Variants in AGR3 observed in about 807,000 individuals in gnomAD.
AGR3 encodes anterior gradient 3, protein disulphide isomerase family member, also known as anterior gradient protein 3.
AGR3 carries 37 observed loss-of-function variants against 24.5 expected under a neutral mutation model. The ratio of observed to expected loss-of-function variants is 1.51; its 90% confidence interval spans 1.16 to 1.99. The LOEUF is 1.99. Ranked by LOEUF, AGR3 falls within the 30% of genes most tolerant of loss-of-function variation. The pLI is 0.00. For synonymous variants in AGR3, 75 were observed against 61.6 expected, an observed-to-expected ratio of 1.22 and a Z score of -1.02; for missense variants, 228 against 191.1, an observed-to-expected ratio of 1.19 and a Z score of -1.14.
downstream of AGR3, among the ~76,000 whole-genome samples, chr7:16,857,335 G>T (rs1781566711): frequency 6.6e-6 from 1 of 151,924 alleles, no homozygotes; most frequent in African/African-American, 2.4e-5. Flanking sequence ...AAATATAAAG[G>T]TATATACATT....
chr7:16,877,651 C>T (rs372070928), intron 2 of AGR3, among the ~76,000 whole-genome samples: 9 of 151,884 alleles, frequency 5.9e-5, no homozygotes, highest in African/African-American at 1.9e-4. Flanking sequence ...ATCACAAGGT[C>T]AGGAGATCGA....
chr7:16,860,673 G>A (rs1424391887), intron 6 of AGR3, 90 bp from the exon 7 acceptor site: 2 of 872,554 alleles, frequency 2.3e-6, no homozygotes, highest in Non-Finnish European at 3.6e-6. Flanking sequence ...TTTATATGTG[G>A]GGGTTATGTG....
intron 3 of AGR3, among the ~76,000 whole-genome samples, chr7:16,870,343 C>A (rs6461284): frequency 0.93 from 141,323 of 152,008 alleles, 66,275 homozygotes; most frequent in Non-Finnish European, 1. Flanking sequence ...ATCATTTGCA[C>A]ATAAAGATAA....
chr7:16,880,062 T>TCCTTCCTTCCCCTTCCTTCTTTCC (rs1782075671), intron 1 of AGR3, among the ~76,000 whole-genome samples: 1 of 146,522 alleles, frequency 6.8e-6, no homozygotes, highest in East Asian at 2.2e-4. Context: ...CCCTTCCCCT[T>TCCTTCCTTCCCCTTCCTTCTTTCC]CCTTCCTTCC....
At chr7:16,857,341 A>G (rs1781566791), downstream of AGR3, among the ~76,000 whole-genome samples, 1 of 152,220 alleles carries the variant, frequency 6.6e-6, no homozygotes, top group South Asian at 2.1e-4. Flanking sequence ...AAAGGTATAT[A>G]CATTTTCATT....
At position 16,878,643 on chromosome 7, in the gene AGR3, A is replaced by C. The variant is rs1377554117; in HGVS notation, c.-25T>G. On this transcript the variant is annotated splice_region_variant and 5_prime_UTR_variant, in exon 2 of 8. Coordinates refer to ENST00000310398, the MANE Select transcript of AGR3 (RefSeq NM_176813.5). The stretch of plus-strand genomic sequence containing the variant: ...TGTCTTCTAGAGACTCTCTCAGAAG[A>C]AGCTAGATGACAGAAAGGAATTCTC... 6.3e-7 allele frequency: 1 copy of C among 1,581,138 alleles called. No homozygotes were observed. The highest frequency in any genetic ancestry group is 1.1e-5 in the South Asian group (1 of 90,014).
At chr7:16,867,451 T>C (rs1215574135) in intron 3 of AGR3, among the ~76,000 whole-genome samples, 4 of 152,226 alleles carry the variant, frequency 2.6e-5, no homozygotes, top group African/African-American at 9.6e-5. Flanking sequence ...ATGGATATGT[T>C]GTACAGTGGC....
At chr7:16,878,867 T>TG (rs1419681251) in intron 1 of AGR3, among the ~76,000 whole-genome samples, 2 of 152,220 alleles carry the variant, frequency 1.3e-5, no homozygotes, top group Non-Finnish European at 2.9e-5. Context: ...GTTCTGAGCC[T>TG]CCTGGGCATG....
At chr7:16,871,799 G>C (rs1478137783) in intron 3 of AGR3, among the ~76,000 whole-genome samples, 1 of 151,958 alleles carries the variant, frequency 6.6e-6, no homozygotes, top group East Asian at 1.9e-4. Flanking sequence ...CTGAGATCGC[G>C]CCACTGTACT....
In AGR3 at chr7:16,859,574, A is replaced by G. The variant is rs1427949030; in HGVS notation, c.*8T>C. 7 of 1,544,338 alleles carry G rather than the reference A, an allele frequency of 4.5e-6. No homozygotes were observed. Among genetic ancestry groups the G allele is most frequent in the Admixed American group, 1.8e-5 (1 of 54,424 alleles). On this transcript the variant is annotated 3_prime_UTR_variant, in exon 8 of 8. Coordinates refer to ENST00000310398, the MANE Select transcript of AGR3 (RefSeq NM_176813.5). The stretch of plus-strand genomic sequence containing the variant: ...TTCTTTGAAGTGAAGGCTTTTTTCC[A>G]TCATCTCTTATAGCTCTGACTGAAT...
intron 3 of AGR3, among the ~76,000 whole-genome samples, chr7:16,870,958 T>C (rs1160312828): frequency 6.6e-6 from 1 of 152,192 alleles, no homozygotes; most frequent in East Asian, 1.9e-4. Context: ...TCATTCATTC[T>C]TGGGGAGCTT....
chr7:16,857,837 T>A (rs117647425), downstream of AGR3, among the ~76,000 whole-genome samples: 32 of 152,270 alleles, frequency 2.1e-4, no homozygotes, highest in East Asian at 4.2e-3. Flanking sequence ...TTTCTCTGAC[T>A]CATCAAATGT....
intron 3 of AGR3, among the ~76,000 whole-genome samples, chr7:16,863,578 A>T (rs539854648): frequency 2.6e-5 from 4 of 152,252 alleles, no homozygotes; most frequent in Middle Eastern, 3.4e-3. Flanking sequence ...CTGAAAATCT[A>T]TATGAATATG....
Position 16,859,612 on chromosome 7 carries a change from T to C in AGR3, c.471A>G (p.Lys157=). 1 of 1,542,104 alleles carries C rather than the reference T, an allele frequency of 6.5e-7. No homozygotes were observed. The highest frequency in any genetic ancestry group is 8.8e-7 in the Non-Finnish European group (1 of 1,130,136). ...GCTCTGACTGAATAAGTCTTAATGC[T>C]TTCTTCATGTTTTCTATCACTGAAA... The part of the protein sequence containing the change: ...DLPLLIENMK[K]ALRLIQSEL Residue 157 remains lysine (K), a synonymous_variant, in exon 8 of 8, where the codon AAA becomes AAG. Transcript: ENST00000310398.
chr7:16,864,167 T>C (rs1562546037), intron 3 of AGR3: 1 of 685,348 alleles, frequency 1.5e-6, no homozygotes, highest in East Asian at 3.1e-5. Context: ...CAAACTGTTG[T>C]GTAATTCATC....
chr7:16,867,140 A>T (rs1342739499), intron 3 of AGR3, among the ~76,000 whole-genome samples: 1 of 152,118 alleles, frequency 6.6e-6, no homozygotes, highest in East Asian at 1.9e-4. Context: ...TTGCAGTGGT[A>T]TCTTCTAGCA....
At position 16,860,695 on chromosome 7, in the gene AGR3, T is replaced by A. The variant is rs549933041; in HGVS notation, c.368-112A>T. 5.6e-6 allele frequency: 4 copies of A among 709,736 alleles called. No individual in the cohort carries two copies. In the African/African-American group the frequency reaches 7.1e-5, roughly 13 times the overall value. The allele number at this position is 709,736 out of a possible 1,614,324, so 44.0% of individuals were successfully genotyped here. On this transcript the variant is annotated intron_variant, in intron 6 of 7. Transcript: ENST00000310398. ...GTGGGGGTTATGTGTACAAGTTTGT[T>A]ACACAGATATATTGTGTGATGCTGA...
chr7:16,871,454 A>G (rs1049891826), intron 3 of AGR3, among the ~76,000 whole-genome samples: 1 of 152,168 alleles, frequency 6.6e-6, no homozygotes, highest in African/African-American at 2.4e-5. Flanking sequence ...CGGAGAGTGG[A>G]GGATACAAAA....
chr7:16,866,312 A>G lies in AGR3; in HGVS notation c.174-3650T>C, dbSNP rs1050086278. 6 of 544,230 alleles carry G rather than the reference A, an allele frequency of 1.1e-5. No individual in the cohort carries two copies. The African/African-American group carries it at 1.1e-4, about 10-fold the overall frequency. The allele number at this position is 544,230 out of a possible 1,614,324, so 33.7% of individuals were successfully genotyped here. On this transcript the variant is annotated intron_variant, in intron 3 of 7. Coordinates refer to ENST00000310398, the MANE Select transcript of AGR3 (RefSeq NM_176813.5). ...GTCTAAGAAAAGTTTTTGACATTAT[A>G]AACTGTAATAGTTCCCATCCATAGT...
Sources: allele counts gnomAD v4.1 joint callset (sites outside exome capture counted in the v4.1 genomes callset), GRCh38; gene constraint gnomAD v4.1.1; transcripts MANE v1.5; gene names NCBI Gene and HGNC (gene_info 2026-07-23, HGNC 2026-07-21).